Variants in SLC7A1 observed in about 807,000 individuals in gnomAD.
SLC7A1 encodes solute carrier family 7 member 1.
A neutral mutation model predicts 53.9 loss-of-function variants in SLC7A1; 10 were observed. The observed-to-expected ratio is 0.19, with a 90% CI of 0.11 to 0.31. SLC7A1 has a LOEUF of 0.31. Ranked by LOEUF, SLC7A1 falls within the 10% of genes least tolerant of loss-of-function variation. SLC7A1 has a pLI of 1.00. For missense variants in SLC7A1, 525 were observed against 827.2 expected (o/e 0.63, Z 4.48); for synonymous variants, 342 against 338.7 (o/e 1.01, Z -0.11).
At chr13:29,523,818 A>C (rs1053925086) in intron 6 of SLC7A1, among the ~76,000 whole-genome samples, 7 of 152,216 alleles carry the variant, frequency 4.6e-5, no homozygotes, top group Admixed American at 1.3e-4. Context: ...CCAGGATGAC[A>C]ATGTTGTGAA....
At chr13:29,553,590 G>T (rs914378116) in intron 2 of SLC7A1, among the ~76,000 whole-genome samples, 171 bp downstream of exon 2, 1 of 152,206 alleles carries the variant, frequency 6.6e-6, no homozygotes, top group African/African-American at 2.4e-5. Context: ...GTAGCCACAT[G>T]AGTCTGAAAA....
rs546781674 is a variant in SLC7A1 at position 29,523,271 on chromosome 13, G to A, written c.1044C>T (p.Ser348=). The A allele has an allele frequency of 3.6e-5, 58 of 1,612,740 alleles. No homozygotes were observed. The highest frequency in any genetic ancestry group is 9.3e-5 in the African/African-American group (7 of 74,884). ...ACCACAGAAAGGCCTCTCACCTGGC[G>A]GAAAGAGCGCAGAGGGAGCCCACGG... ...AVAVGSLCAL[S]ASLLGSMFPM... is the part of the protein sequence containing the mutation. The change falls in exon 7 of 13, where the codon TCC becomes TCT. Residue 348 remains serine, a synonymous_variant. Coordinates refer to ENST00000380752, the MANE Select transcript of SLC7A1 (RefSeq NM_003045.5).
Position 29,570,482 on chromosome 13 carries a change from T to C in SLC7A1, c.-114-16622A>G, listed in dbSNP as rs114852202. On this transcript the variant is annotated intron_variant, in intron 1 of 12. Coordinates refer to ENST00000380752, the MANE Select transcript of SLC7A1 (RefSeq NM_003045.5). ...ACCCACACCCGCCCCCCTACCTCCA[T>C]CTTGTTCCTCCTGTGAGGCTCAAGA... Among the ~76,000 whole-genome samples, 524 of 152,250 alleles carry C rather than the reference T, an allele frequency of 3.4e-3. 4 individuals carry two copies. Among genetic ancestry groups the C allele is most frequent in the African/African-American group, 0.012 (491 of 41,550 alleles).
chr13:29,587,202 G>C (rs1309644955), intron 1 of SLC7A1, among the ~76,000 whole-genome samples: 1 of 152,198 alleles, frequency 6.6e-6, no homozygotes, highest in East Asian at 1.9e-4. Flanking sequence ...TGAGGACAAT[G>C]ACGTAGTAGC....
chr13:29,519,406 A>G, intron 9 of SLC7A1, 41 bp downstream of exon 9: 2 of 1,164,886 alleles, frequency 1.7e-6, no homozygotes, highest in African/African-American at 1.5e-5. Context: ...TACCAGGTGC[A>G]TCTGCATTTC....
Position 29,522,323 on chromosome 13 carries a change from C to T in SLC7A1, c.1183G>A (p.Val395Ile), listed in dbSNP as rs148568939. The T allele has an allele frequency of 8.9e-5, 144 of 1,614,178 alleles. No individual in the cohort carries two copies. The highest frequency in any genetic ancestry group is 1.6e-4 in the African/African-American group (12 of 75,058). Residue 395 changes from valine (V) to isoleucine (I), a missense_variant, in exon 8 of 13, where the codon GTT becomes ATT. By Grantham distance (29) the Val-to-Ile change is conservative (BLOSUM62 3). This residue lies in a region of SLC7A1 where 354 missense variants were observed against 587.5 expected (regional missense o/e 0.60). Coordinates refer to ENST00000380752, the MANE Select transcript of SLC7A1 (RefSeq NM_003045.5). ...PIIATLASGA[V>I]AAVMAFLFDL... is the part of the protein sequence containing the mutation. ...AATGAGTTCTAGTACTCACCAGCAA[C>T]GGCACCCGAGGCTAATGTGGCGATT...
chr13:29,577,769 G>C (rs1871469471), intron 1 of SLC7A1, among the ~76,000 whole-genome samples: 1 of 152,150 alleles, frequency 6.6e-6, no homozygotes, highest in Non-Finnish European at 1.5e-5. Context: ...CGAGTGTCCT[G>C]TCTTTGGAGG....
In SLC7A1 at chr13:29,530,562, G is replaced by A; in HGVS notation, c.680C>T (p.Thr227Ile). 1 of 1,614,118 alleles carries A rather than the reference G, an allele frequency of 6.2e-7. No homozygotes were observed. Among genetic ancestry groups the A allele is most frequent in the Non-Finnish European group, 8.5e-7 (1 of 1,180,024 alleles). ...WQLTEEDFGN[T>I]SGRLCLNNDT... ...CTTGTTCAAACAGAGACGGCCTGAT[G>A]TGTTCCCAAAATCCTCCTCCGTGAG... Residue 227 changes from threonine to isoleucine, a missense_variant, in exon 5 of 13, where the codon ACA becomes ATA. Thr to Ile is a moderately conservative substitution (Grantham distance 89). This residue lies in a region of SLC7A1 where 354 missense variants were observed against 587.5 expected (regional missense o/e 0.60). Coordinates refer to ENST00000380752, the MANE Select transcript of SLC7A1 (RefSeq NM_003045.5).
Position 29,526,978 on chromosome 13 carries a change from C to T in SLC7A1, c.705-2725G>A, listed in dbSNP as rs575709488. On this transcript the variant is annotated intron_variant, in intron 5 of 12. Transcript: ENST00000380752. ...GCCACACCTGCTCCTCGTACTGCGC[C>T]GCTACACCTGACCTCAGGAGGACCC... is the stretch of plus-strand genomic sequence containing the variant. 3.7e-4 allele frequency among the ~76,000 whole-genome samples: 57 copies of T among 152,102 alleles called. No individual in the cohort carries two copies. The South Asian group carries it at 9.5e-3, about 25-fold the overall frequency.
intron 2 of SLC7A1, among the ~76,000 whole-genome samples, chr13:29,550,965 G>A (rs550748410): frequency 6.6e-6 from 1 of 152,336 alleles, no homozygotes; most frequent in East Asian, 1.9e-4. Flanking sequence ...TGCTTCAATG[G>A]TGGGGATAAC....
intron 1 of SLC7A1, among the ~76,000 whole-genome samples, chr13:29,584,777 CAAG>C (rs1871807085): frequency 6.6e-6 from 1 of 152,112 alleles, no homozygotes; most frequent in Non-Finnish European, 1.5e-5. Flanking sequence ...CCAACCTTTT[CAAG>C]AAGAACTATT....
chr13:29,583,591 G>C (rs1871747778), intron 1 of SLC7A1, among the ~76,000 whole-genome samples: 1 of 152,186 alleles, frequency 6.6e-6, no homozygotes. Context: ...CCGCAGGAAA[G>C]TGACTTGGAT....
At chr13:29,553,030 G>T (rs1870273760) in intron 2 of SLC7A1, among the ~76,000 whole-genome samples, 1 of 152,176 alleles carries the variant, frequency 6.6e-6, no homozygotes, top group African/African-American at 2.4e-5. Flanking sequence ...CCGCCCCCCT[G>T]CCCCACTTGG....
intron 1 of SLC7A1, among the ~76,000 whole-genome samples, chr13:29,588,007 CCTT>C (rs35061715): frequency 0.023 from 3,504 of 152,302 alleles, 126 homozygotes; most frequent in African/African-American, 0.079. Context: ...TTTATTTTCT[CCTT>C]CTTTTAATTT....
chr13:29,522,396 C>G lies in SLC7A1; in HGVS notation c.1110G>C (p.Leu370=). The G allele has an allele frequency of 6.2e-7, 1 of 1,614,074 alleles. No individual in the cohort carries two copies. The highest frequency in any genetic ancestry group is 1.3e-5 in the African/African-American group (1 of 75,034). ...RVIYAMAEDG[L]LFKFLANVND... is the part of the protein sequence containing the mutation. The stretch of plus-strand genomic sequence containing the variant: ...TGACGTTGGCTAAGAATTTAAATAG[C>G]AGTCCATCCTCAGCCATGGCATAGA... Residue 370 remains leucine, a synonymous_variant, in exon 8 of 13, where the codon CTG becomes CTC. Transcript: ENST00000380752.
intron 1 of SLC7A1, among the ~76,000 whole-genome samples, chr13:29,593,926 A>G (rs575460632): frequency 2.0e-5 from 3 of 152,402 alleles, no homozygotes; most frequent in East Asian, 3.9e-4. Flanking sequence ...ATAATAATTA[A>G]ACATGATCGT....
intron 1 of SLC7A1, among the ~76,000 whole-genome samples, chr13:29,559,817 G>A (rs1312283980): frequency 2.6e-5 from 4 of 151,466 alleles, no homozygotes; most frequent in Non-Finnish European, 4.4e-5. Context: ...CCAGGTTCAC[G>A]CCATTCTCCT....
chr13:29,517,358 A>G (rs755887634), intron 10 of SLC7A1, 48 bp from the exon 11 acceptor site: 35 of 1,563,646 alleles, frequency 2.2e-5, no homozygotes, highest in South Asian at 6.0e-5. Context: ...CCATTTCCCA[A>G]TTTCCCACAG....
At chr13:29,578,250 A>G (rs958644027) in intron 1 of SLC7A1, among the ~76,000 whole-genome samples, 1 of 152,114 alleles carries the variant, frequency 6.6e-6, no homozygotes, top group Non-Finnish European at 1.5e-5. Flanking sequence ...CGGAGAGCAG[A>G]TATTTAAGAC....
Sources: gnomAD v4.1 joint callset for allele counts (sites outside exome capture counted in the v4.1 genomes callset) on GRCh38, gnomAD v4.1.1 for gene constraint, gnomAD v4.1.1 regional missense constraint, MANE v1.5 for transcripts, NCBI Gene and HGNC (gene_info 2026-07-23, HGNC 2026-07-21) for gene names.